HOGA1: variants seen among roughly 807,000 people sequenced by gnomAD.
HOGA1 encodes the protein 4-hydroxy-2-oxoglutarate aldolase 1, also known as 4-hydroxy-2-oxoglutarate aldolase, mitochondrial.
A neutral mutation model predicts 34.3 loss-of-function variants in HOGA1; 30 were observed. The ratio of observed to expected loss-of-function variants is 0.87; its 90% CI spans 0.65 to 1.19. The LOEUF (loss-of-function observed/expected upper bound fraction) is 1.19. Among genes scored for constraint, HOGA1 ranks in the 50% most tolerant of loss-of-function variants. The pLI is 0.00. For missense variants in HOGA1, 417 were observed against 436.5 expected (o/e 0.96, Z 0.40); for synonymous variants, 161 against 174.0 (o/e 0.93, Z 0.59).
chr10:97,596,396 C>T lies in HOGA1; in HGVS notation c.212-2379C>T, dbSNP rs182448085. Among the ~76,000 whole-genome samples the T allele has an allele frequency of 2.9e-3, 447 of 152,324 alleles. 1 individual carries two copies. Among genetic ancestry groups the T allele is most frequent in the Non-Finnish European group, 5.2e-3 (357 of 68,018 alleles). ...CAGTGGCCGCAGCAAGAACCTGCCC[C>T]AGCCCAGGACGGCAGGCAGGGTTGG... On this transcript the variant is annotated intron_variant, in intron 1 of 6. Transcript: ENST00000370646.
chr10:97,589,420 A>G (rs949158181), intron 1 of HOGA1, among the ~76,000 whole-genome samples: 1 of 151,536 alleles, frequency 6.6e-6, no homozygotes, highest in Non-Finnish European at 1.5e-5. Flanking sequence ...CCAGATGGGG[A>G]GAGAGAGAAA....
intron 6 of HOGA1, among the ~76,000 whole-genome samples, chr10:97,604,624 C>G (rs1340980943): frequency 6.6e-6 from 1 of 152,046 alleles, no homozygotes; most frequent in African/African-American, 2.4e-5. Flanking sequence ...GCTGGCCCCC[C>G]ACAGTATGTT....
chr10:97,590,060 G>C (rs755523964), intron 1 of HOGA1: 1 of 1,614,114 alleles, frequency 6.2e-7, no homozygotes, highest in African/African-American at 1.3e-5. Context: ...CAATGCCAGC[G>C]CTAGTGGCAA....
chr10:97,585,217 A>C (rs1347972759), intron 1 of HOGA1, among the ~76,000 whole-genome samples: 2 of 152,144 alleles, frequency 1.3e-5, no homozygotes, highest in Non-Finnish European at 2.9e-5. Flanking sequence ...ATGGGCGTGA[A>C]AGTCCTTGTC....
In HOGA1 at chr10:97,584,773, G is replaced by C. The variant is rs368335660; in HGVS notation, c.70G>C (p.Val24Leu). 3.1e-6 allele frequency: 5 copies of C among 1,613,658 alleles called. No homozygotes were observed. In the African/African-American group the frequency reaches 6.7e-5, roughly 22 times the overall value. The change falls in exon 1 of 7, where the codon GTC becomes CTC. Residue 24 changes from valine (V) to leucine (L), a missense_variant. Transcript: ENST00000370646. ...LSRSLSRNVG[V>L]WASGEGKKVD... The stretch of plus-strand genomic sequence containing the variant: ...CAGGAGCTTGTCCAGGAATGTGGGG[G>C]TCTGGGCCTCAGGGGAGGGGAAGAA...
chr10:97,608,724 C>G (rs533764797), intron 6 of HOGA1, among the ~76,000 whole-genome samples: 2 of 151,606 alleles, frequency 1.3e-5, no homozygotes, highest in Non-Finnish European at 2.9e-5. Context: ...AGAAATCACT[C>G]GAACTCAGGA....
rs763146679 is a variant in HOGA1 at position 97,599,791 on chromosome 10, G to A, written c.580G>A (p.Gly194Ser). The A allele has an allele frequency of 3.7e-6, 6 of 1,614,222 alleles. No individual in the cohort carries two copies. Among genetic ancestry groups the A allele is most frequent in the Non-Finnish European group, 4.2e-6 (5 of 1,180,046 alleles). Residue 194 changes from glycine (G) to serine (S), a missense_variant, in exon 4 of 7, where the codon GGC (glycine) becomes AGC (serine). Physicochemically the swap from Gly to Ser is moderately conservative, Grantham distance 56. Transcript: ENST00000370646. ...GCTTTCCCAGCACCCGAATATTGTG[G>A]GCATGAAGGACAGCGGTGGTGATGT... ...VTLSQHPNIV[G>S]MKDSGGDVTR...
intron 6 of HOGA1, among the ~76,000 whole-genome samples, chr10:97,609,887 G>GA (rs935926671): frequency 2.5e-4 from 38 of 151,930 alleles, no homozygotes; most frequent in Admixed American, 6.6e-5. Flanking sequence ...CCCATTCCGA[G>GA]AAAAAAAATC....
intron 1 of HOGA1, among the ~76,000 whole-genome samples, chr10:97,585,831 G>A (rs1240332015): frequency 2.0e-5 from 3 of 152,192 alleles, no homozygotes; most frequent in Non-Finnish European, 4.4e-5. Context: ...AGGCAGTATC[G>A]TGTAGACTGT....
chr10:97,605,682 T>A (rs533156016), intron 6 of HOGA1, among the ~76,000 whole-genome samples: 1 of 152,222 alleles, frequency 6.6e-6, no homozygotes, highest in Admixed American at 6.5e-5. Context: ...ATTTCTCTGA[T>A]GGCTAATGCT....
Position 97,611,491 on chromosome 10 carries a change from A to G in HOGA1, c.835-19A>G. On this transcript the variant is annotated intron_variant, in intron 6 of 6. Coordinates refer to ENST00000370646, the MANE Select transcript of HOGA1 (RefSeq NM_138413.4). The stretch of plus-strand genomic sequence containing the variant: ...TTCAGCAAATTTCTCAGTCTCTTCT[A>G]ACAGGCCCTGCTTTGCAGGTGACCC... 6.2e-7 allele frequency: 1 copy of G among 1,614,194 alleles called. No homozygotes were observed. Among genetic ancestry groups the G allele is most frequent in the East Asian group, 2.2e-5 (1 of 44,888 alleles).
At chr10:97,595,628 G>A (rs1253885856) in intron 1 of HOGA1, among the ~76,000 whole-genome samples, 2 of 152,244 alleles carry the variant, frequency 1.3e-5, no homozygotes, top group African/African-American at 4.8e-5. Flanking sequence ...CTGGGAGACA[G>A]AGGCTGCAGT....
At chr10:97,591,301 C>T (rs1418097485) in intron 1 of HOGA1, among the ~76,000 whole-genome samples, 1 of 152,144 alleles carries the variant, frequency 6.6e-6, no homozygotes, top group Non-Finnish European at 1.5e-5. Flanking sequence ...AGGCAGTTCT[C>T]TCACCAGCCC....
Position 97,599,158 on chromosome 10 carries a change from C to A in HOGA1, c.410C>A (p.Thr137Asn), listed in dbSNP as rs761436139. Residue 137 changes from threonine to asparagine, a missense_variant, in exon 3 of 7, where the codon ACC becomes AAC. Coordinates refer to ENST00000370646, the MANE Select transcript of HOGA1 (RefSeq NM_138413.4). ...QVGADAAMVV[T>N]PCYYRGRMSS... is the part of the protein sequence containing the mutation. The stretch of plus-strand genomic sequence containing the variant: ...GGGGCTGACGCGGCCATGGTGGTGA[C>A]CCCTTGCTACTATCGTGGCCGCATG... 5.0e-6 allele frequency: 8 copies of A among 1,613,818 alleles called. No individual in the cohort carries two copies. In the East Asian group the frequency reaches 1.1e-4, roughly 22 times the overall value.
At chr10:97,607,304 C>G (rs1375356295) in intron 6 of HOGA1, among the ~76,000 whole-genome samples, 2 of 152,110 alleles carry the variant, frequency 1.3e-5, no homozygotes, top group Non-Finnish European at 2.9e-5. Flanking sequence ...TCCTGACTTC[C>G]CTCCCCCTGG....
intron 6 of HOGA1, among the ~76,000 whole-genome samples, chr10:97,607,245 C>A (rs528590685): frequency 5.9e-5 from 9 of 152,290 alleles, no homozygotes; most frequent in African/African-American, 2.2e-4. Context: ...TGTCTGGCAG[C>A]AGGTGGGGTG....
chr10:97,595,347 G>A (rs889048561), intron 1 of HOGA1, among the ~76,000 whole-genome samples: 3 of 152,178 alleles, frequency 2.0e-5, no homozygotes, highest in African/African-American at 7.2e-5. Flanking sequence ...CACTTATTGA[G>A]CACCAGGTTC....
chr10:97,588,773 A>T (rs1388475638), intron 1 of HOGA1, among the ~76,000 whole-genome samples: 3 of 152,264 alleles, frequency 2.0e-5, no homozygotes, highest in Non-Finnish European at 4.4e-5. Flanking sequence ...TGTATATATT[A>T]AAACCATTAC....
intron 6 of HOGA1, among the ~76,000 whole-genome samples, chr10:97,604,069 C>A (rs2041140283): frequency 6.6e-6 from 1 of 152,282 alleles, no homozygotes; most frequent in Admixed American, 6.5e-5. Flanking sequence ...CCTCTTATAG[C>A]CATGCCTACT....
Sources: gnomAD v4.1 joint callset for allele counts (sites outside exome capture counted in the v4.1 genomes callset) on GRCh38, gnomAD v4.1.1 for gene constraint, MANE v1.5 for transcripts, NCBI Gene and HGNC (gene_info 2026-07-23, HGNC 2026-07-21) for gene names.